VWC2L: variants seen among roughly 807,000 people sequenced by gnomAD.
VWC2L encodes von Willebrand factor C domain containing 2 like, also known as von Willebrand factor C domain-containing protein 2-like.
Under a neutral mutation model 21.6 loss-of-function variants are expected in VWC2L, and 10 were observed. That is an observed-to-expected ratio of 0.46 (90% CI 0.29 to 0.78). The LOEUF (loss-of-function observed/expected upper bound fraction) is 0.78, where lower values mean the gene tolerates loss of function less well. Ranked by LOEUF, VWC2L falls within the 30% of genes least tolerant of loss-of-function variation. The pLI is 0.10. For synonymous variants in VWC2L, 96 were observed against 94.3 expected, an observed-to-expected ratio of 1.02 and a Z score of -0.10; for missense variants, 209 against 277.1, an observed-to-expected ratio of 0.75 and a Z score of 1.74.
At chr2:214,549,126 C>T (rs1434222107) in intron 3 of VWC2L, among the ~76,000 whole-genome samples, 2 of 152,178 alleles carry the variant, frequency 1.3e-5, no homozygotes, top group Admixed American at 1.3e-4. Context: ...GCTTTCTTCC[C>T]CACACTTCCT....
At position 214,550,390 on chromosome 2, in the gene VWC2L, T is replaced by C. The variant is rs191119213; in HGVS notation, c.521-25282T>C. 2.0e-3 allele frequency among the ~76,000 whole-genome samples: 303 copies of C among 152,348 alleles called. 1 individual carries two copies. The highest frequency in any genetic ancestry group is 6.8e-3 in the Middle Eastern group (2 of 294). ...CTTAAACTTCAAAACAGTCTCAATA[T>C]TCATTTATTATTTATTCATTCTTTT... is the stretch of plus-strand genomic sequence containing the variant. On this transcript the variant is annotated intron_variant, in intron 3 of 3. Transcript: ENST00000312504.
intron 3 of VWC2L, among the ~76,000 whole-genome samples, chr2:214,492,324 G>C (rs1431639385): frequency 6.6e-6 from 1 of 152,160 alleles, no homozygotes; most frequent in Admixed American, 6.5e-5. Flanking sequence ...GTGACAAAGG[G>C]GAACAGCTGT....
At chr2:214,429,396 T>C (rs903205421) in intron 2 of VWC2L, among the ~76,000 whole-genome samples, 5 of 152,320 alleles carry the variant, frequency 3.3e-5, no homozygotes, top group South Asian at 2.1e-4. Flanking sequence ...ATAGGTGTGA[T>C]ACTTCATCAA....
chr2:214,420,978 T>C (rs897143891), intron 2 of VWC2L, among the ~76,000 whole-genome samples: 5 of 152,234 alleles, frequency 3.3e-5, no homozygotes, highest in African/African-American at 9.6e-5. Flanking sequence ...AGCCTCAGCA[T>C]GCAGAATGAG....
At chr2:214,470,813 A>AG (rs1348338027) in intron 3 of VWC2L, among the ~76,000 whole-genome samples, 2 of 145,520 alleles carry the variant, frequency 1.4e-5, no homozygotes, top group East Asian at 4.4e-4. Context: ...TTCAGGAGGG[A>AG]GGCTGAGGCA....
intron 3 of VWC2L, among the ~76,000 whole-genome samples, chr2:214,543,473 A>G (rs916880161): frequency 3.3e-5 from 5 of 152,330 alleles, no homozygotes; most frequent in African/African-American, 9.6e-5. Context: ...TCAAGTTTTT[A>G]TCTTCACATT....
At chr2:214,442,739 C>T (rs989981663) in intron 3 of VWC2L, among the ~76,000 whole-genome samples, 1 of 151,092 alleles carries the variant, frequency 6.6e-6, no homozygotes, top group African/African-American at 2.5e-5. Context: ...AAGAAAAAAG[C>T]TTTCTTTTTT....
intron 2 of VWC2L, among the ~76,000 whole-genome samples, chr2:214,416,784 T>C (rs1020637813): frequency 6.6e-6 from 1 of 152,076 alleles, no homozygotes; most frequent in Non-Finnish European, 1.5e-5. Context: ...ATTGTAATAA[T>C]CACTTTCCTT....
At chr2:214,488,556 C>T (rs1032750723) in intron 3 of VWC2L, among the ~76,000 whole-genome samples, 1 of 152,156 alleles carries the variant, frequency 6.6e-6, no homozygotes, top group Non-Finnish European at 1.5e-5. Flanking sequence ...CGTGTTCACA[C>T]CACTGCACTC....
Position 214,537,850 on chromosome 2 carries a change from A to T in VWC2L, c.521-37822A>T, listed in dbSNP as rs113091183. Among the ~76,000 whole-genome samples, 469 of 151,980 alleles carry T rather than the reference A, an allele frequency of 3.1e-3. 1 individual carries two copies. Among genetic ancestry groups the T allele is most frequent in the African/African-American group, 0.011 (449 of 41,450 alleles). On this transcript the variant is annotated intron_variant, in intron 3 of 3. Coordinates refer to ENST00000312504, the MANE Select transcript of VWC2L (RefSeq NM_001080500.4). ...GTGAACCCATTAAGCCAATCCATAA[A>T]ACCAAACAAAGTGACCAAAAATAAG...
intron 3 of VWC2L, among the ~76,000 whole-genome samples, chr2:214,469,112 T>C (rs1703266250): frequency 6.6e-6 from 1 of 152,196 alleles, no homozygotes; most frequent in Admixed American, 6.5e-5. Context: ...AATTGTGTCT[T>C]ATTACTGAAT....
chr2:214,523,715 T>G, intron 3 of VWC2L, among the ~76,000 whole-genome samples: 1 of 152,068 alleles, frequency 6.6e-6, no homozygotes, highest in South Asian at 2.1e-4. Context: ...GGTGCACCAC[T>G]GTAATTACTC....
intron 2 of VWC2L, among the ~76,000 whole-genome samples, chr2:214,420,503 T>A (rs1702422910): frequency 6.6e-6 from 1 of 152,264 alleles, no homozygotes; most frequent in East Asian, 1.9e-4. Flanking sequence ...ATTGCACGAG[T>A]GTCTATGAAA....
At chr2:214,456,879 C>T (rs1172217565) in intron 3 of VWC2L, among the ~76,000 whole-genome samples, 2 of 152,054 alleles carry the variant, frequency 1.3e-5, no homozygotes, top group Non-Finnish European at 2.9e-5. Flanking sequence ...TATCAATTGG[C>T]TGTAAATATA....
At chr2:214,421,883 A>ATATTTTTTTTTTTTTTTT (rs1574555783) in intron 2 of VWC2L, among the ~76,000 whole-genome samples, 1 of 88,354 alleles carries the variant, frequency 1.1e-5, no homozygotes, top group African/African-American at 5.8e-5. Flanking sequence ...TATTTCCTAC[A>ATATTTTTTTTTTTTTTTT]TCTTTTTTTT....
intron 3 of VWC2L, among the ~76,000 whole-genome samples, chr2:214,511,860 C>CTATA (rs1302497007): frequency 2.1e-5 from 3 of 145,772 alleles, no homozygotes; most frequent in African/African-American, 7.5e-5. Flanking sequence ...TATATATACT[C>CTATA]TATATATATA....
At chr2:214,504,765 CT>C (rs35970060) in intron 3 of VWC2L, among the ~76,000 whole-genome samples, 13,231 of 152,204 alleles carry the variant, frequency 0.087, 1,122 homozygotes, top group East Asian at 0.3. Flanking sequence ...ATTATTTTAT[CT>C]TCACAACAAG....
chr2:214,573,450 G>C (rs1458101594), intron 3 of VWC2L, among the ~76,000 whole-genome samples: 1 of 152,102 alleles, frequency 6.6e-6, no homozygotes, highest in African/African-American at 2.4e-5. Context: ...AACAGACTTG[G>C]TTACAAGGGG....
At chr2:214,541,634 C>T (rs1689628960) in intron 3 of VWC2L, among the ~76,000 whole-genome samples, 1 of 152,110 alleles carries the variant, frequency 6.6e-6, no homozygotes, top group African/African-American at 2.4e-5. Flanking sequence ...CTCGCTCTGC[C>T]ACACGTTAGG....
Sources: gnomAD v4.1 joint callset for allele counts (sites outside exome capture counted in the v4.1 genomes callset) on GRCh38, gnomAD v4.1.1 for gene constraint, MANE v1.5 for transcripts, NCBI Gene and HGNC (gene_info 2026-07-23, HGNC 2026-07-21) for gene names.